The following SHOC2 variants were observed in gnomAD, a reference collection of about 807,000 sequenced individuals.
SHOC2 encodes leucine-rich repeat protein SHOC-2.
A neutral mutation model predicts 50.2 loss-of-function variants in SHOC2; 4 were observed. The observed-to-expected ratio is 0.08, with a 90% CI of 0.04 to 0.18. The LOEUF is 0.18. SHOC2 is among the 10% of genes least tolerant of loss of function. The probability of loss-of-function intolerance (pLI) is 1.00; values close to 1 mark genes in which losing one functional copy is unlikely to be tolerated. For missense variants in SHOC2, 388 were observed against 669.6 expected (o/e 0.58, Z 4.64); for synonymous variants, 218 against 244.5 (o/e 0.89, Z 1.01).
chr10:110,997,361 A>G (rs911643559), intron 3 of SHOC2, among the ~76,000 whole-genome samples: 2 of 152,258 alleles, frequency 1.3e-5, no homozygotes, highest in African/African-American at 2.4e-5. Context: ...ATTTTAAAAT[A>G]TAGAAAATTA....
intron 4 of SHOC2, among the ~76,000 whole-genome samples, chr10:111,004,003 T>C (rs925165775): frequency 6.6e-6 from 1 of 152,238 alleles, no homozygotes; most frequent in African/African-American, 2.4e-5. Context: ...GGTTATGTGC[T>C]AAGTAAATAC....
chr10:111,002,322 A>G (rs1218645178), intron 4 of SHOC2, among the ~76,000 whole-genome samples: 2 of 152,254 alleles, frequency 1.3e-5, no homozygotes, highest in Non-Finnish European at 2.9e-5. Context: ...AATAAAATCC[A>G]TTAGACAGCA....
chr10:110,956,956 C>T (rs926540573), intron 1 of SHOC2, among the ~76,000 whole-genome samples: 2 of 152,090 alleles, frequency 1.3e-5, no homozygotes, highest in African/African-American at 4.8e-5. Context: ...TCTAGCTGAC[C>T]TGCAGAATTA....
chr10:110,996,481 T>C (rs976738974), intron 3 of SHOC2, among the ~76,000 whole-genome samples: 1 of 151,770 alleles, frequency 6.6e-6, no homozygotes, highest in Non-Finnish European at 1.5e-5. Flanking sequence ...AGAGCCATGA[T>C]TGCGCCACTG....
At chr10:110,990,187 C>T (rs1338913797) in intron 3 of SHOC2, among the ~76,000 whole-genome samples, 2 of 152,364 alleles carry the variant, frequency 1.3e-5, no homozygotes, top group Non-Finnish European at 2.9e-5. Flanking sequence ...CACCTGCAGC[C>T]CTGGTGCGGG....
intron 1 of SHOC2, among the ~76,000 whole-genome samples, chr10:110,920,967 A>C (rs1846633978): frequency 6.6e-6 from 1 of 152,218 alleles, no homozygotes; most frequent in Non-Finnish European, 1.5e-5. Context: ...GGTTTTCAGA[A>C]TCCTAAGGTA....
At chr10:110,953,296 T>A (rs1847393904) in intron 1 of SHOC2, among the ~76,000 whole-genome samples, 1 of 152,218 alleles carries the variant, frequency 6.6e-6, no homozygotes, top group Admixed American at 6.5e-5. Context: ...GTAGTTTTGA[T>A]TTGCATTTCT....
intron 1 of SHOC2, among the ~76,000 whole-genome samples, chr10:110,956,826 A>G (rs61864598): frequency 2.6e-5 from 4 of 152,086 alleles, no homozygotes; most frequent in Non-Finnish European, 5.9e-5. Flanking sequence ...TTTTTTTTAA[A>G]TAACAAAGTA....
At chr10:110,936,738 T>G in intron 1 of SHOC2, 1 of 946,670 alleles carries the variant, frequency 1.1e-6, no homozygotes, top group South Asian at 1.4e-5. Flanking sequence ...CGGTAGTGGA[T>G]TTTGGCTTTC....
intron 1 of SHOC2, among the ~76,000 whole-genome samples, chr10:110,929,959 G>A (rs1846858146): frequency 6.6e-6 from 1 of 152,118 alleles, no homozygotes; most frequent in Admixed American, 6.6e-5. Context: ...ACATATAAGA[G>A]CTGCCTTTCA....
rs1847627898 is a variant in SHOC2, at chr10:110,964,256, C to T, written c.-103C>T. 35 of 1,523,554 alleles carry T rather than the reference C, an allele frequency of 2.3e-5. No individual in the cohort carries two copies. The South Asian group carries it at 4.2e-4, about 18-fold the overall frequency. The allele number at this position is 1,523,554 out of a possible 1,614,324, so 94.4% of individuals were successfully genotyped here. ...CTCCATGCTGATTACTTCTTCAAGC[C>T]AGTACTTTTTTGATTGTGTAGGATC... On this transcript the variant is annotated 5_prime_UTR_variant, in exon 2 of 9. The change creates a premature stop within an existing upstream ORF in the 5' untranslated region. Transcript: ENST00000369452. This position sits in a 1 kb window ranked among gnomAD's most constrained non-coding sequence, Gnocchi z 4.9.
At position 111,012,009 on chromosome 10, in the gene SHOC2, G is replaced by A. The variant is rs969409307; in HGVS notation, c.*191G>A. 2 of 586,326 alleles carry A rather than the reference G, an allele frequency of 3.4e-6. No homozygotes were observed. The highest frequency in any genetic ancestry group is 1.9e-5 in the African/African-American group (1 of 53,458). The allele number at this position is 586,326 out of a possible 1,614,324, so 36.3% of individuals were successfully genotyped here. A position where few individuals can be genotyped will look rare whatever the true frequency, so the allele number is the denominator to read the frequency against. ...AATTCTGTACAAAAGGCTTATATAA[G>A]TTTTCTTTGCTGAATTTGATGGATG... On this transcript the variant is annotated 3_prime_UTR_variant, in exon 9 of 9. Coordinates refer to ENST00000369452, the MANE Select transcript of SHOC2 (RefSeq NM_007373.4).
chr10:111,007,554 C>G lies in SHOC2; in HGVS notation c.1185C>G (p.Pro395=). 1.4e-5 allele frequency: 22 copies of G among 1,613,662 alleles called. No individual in the cohort carries two copies. The highest frequency in any genetic ancestry group is 1.8e-5 in the Non-Finnish European group (21 of 1,179,760). ...AGGACAATCAGTTAACATCACTTCC[C>G]TTGGATTTTGGAACTTGGACCAGTA... ...NMKDNQLTSL[P]LDFGTWTSMV... Residue 395 remains proline (P), a synonymous_variant, in exon 6 of 9, where the codon CCC becomes CCG. Transcript: ENST00000369452.
chr10:110,962,987 A>G (rs1488332953), intron 1 of SHOC2, among the ~76,000 whole-genome samples: 5 of 152,212 alleles, frequency 3.3e-5, no homozygotes, highest in African/African-American at 7.2e-5. Context: ...TTCACATCCT[A>G]TAAAAATAAA....
At chr10:110,923,201 C>T (rs998341727) in intron 1 of SHOC2, among the ~76,000 whole-genome samples, 12 of 151,628 alleles carry the variant, frequency 7.9e-5, no homozygotes, top group East Asian at 7.7e-4. Flanking sequence ...TTATATTTTC[C>T]GACTGTGTAA....
intron 1 of SHOC2, 55 bp downstream of exon 1, chr10:110,919,712 C>T (rs895660692): frequency 1.3e-5 from 5 of 397,566 alleles, no homozygotes; most frequent in African/African-American, 1.0e-4. Context: ...TTCCTGCCTG[C>T]CTTCCTGTCC....
At chr10:110,998,362 C>T (rs765659501) in intron 3 of SHOC2, among the ~76,000 whole-genome samples, 1 of 151,970 alleles carries the variant, frequency 6.6e-6, no homozygotes, top group Non-Finnish European at 1.5e-5. Context: ...TTTTCTGGGG[C>T]TTTGGAAAGT....
chr10:110,956,394 A>T (rs907239008), intron 1 of SHOC2, among the ~76,000 whole-genome samples: 2 of 151,892 alleles, frequency 1.3e-5, no homozygotes, highest in African/African-American at 4.8e-5. Context: ...TTTTGGTATT[A>T]TTAGTAGAGA....
At chr10:110,929,628 C>T (rs990955656) in intron 1 of SHOC2, among the ~76,000 whole-genome samples, 2 of 152,202 alleles carry the variant, frequency 1.3e-5, no homozygotes, top group Non-Finnish European at 2.9e-5. Context: ...GAGTCTCTTA[C>T]AGGTCTTCCT....
Sources: gnomAD v4.1 joint callset for allele counts (sites outside exome capture counted in the v4.1 genomes callset) on GRCh38, gnomAD v4.1.1 for gene constraint, Gnocchi (gnomAD v3.1) non-coding constraint, MANE v1.5 for transcripts, NCBI Gene and HGNC (gene_info 2026-07-23, HGNC 2026-07-21) for gene names.